The following RAB31 variants were observed in gnomAD, a reference collection of about 807,000 sequenced individuals.
The protein encoded by RAB31 is ras-related protein Rab-31.
In RAB31, 21 loss-of-function variants were observed where a neutral mutation model predicts 25.6. That is an observed-to-expected ratio of 0.82 (90% CI 0.58 to 1.18). RAB31 has a LOEUF of 1.18. Ranked by LOEUF, RAB31 falls within the 50% of genes most tolerant of loss-of-function variation. RAB31 has a pLI of 0.00. For missense variants in RAB31, 196 were observed against 250.1 expected, an observed-to-expected ratio of 0.78 and a Z score of 1.46; for synonymous variants, 87 against 84.0, an observed-to-expected ratio of 1.04 and a Z score of -0.20.
intron 5 of RAB31, among the ~76,000 whole-genome samples, chr18:9,841,294 C>A (rs2068732360): frequency 6.6e-6 from 1 of 151,378 alleles, no homozygotes; most frequent in South Asian, 2.1e-4. Context: ...AATCCCAGCA[C>A]TTTGGGAGAC....
At chr18:9,823,734 T>G (rs1432948699) in intron 5 of RAB31, among the ~76,000 whole-genome samples, 1 of 152,112 alleles carries the variant, frequency 6.6e-6, no homozygotes, top group Non-Finnish European at 1.5e-5. Flanking sequence ...TTGACAAAAA[T>G]TTTGTAAACA....
At position 9,752,689 on chromosome 18, in the gene RAB31, G is replaced by A. The variant is rs548493473; in HGVS notation, c.40-22589G>A. Among the ~76,000 whole-genome samples, 6 of 152,274 alleles carry A rather than the reference G, an allele frequency of 3.9e-5. No homozygotes were observed. In the South Asian group the frequency reaches 1.2e-3, roughly 32 times the overall value. On this transcript the variant is annotated intron_variant, in intron 1 of 6. Coordinates refer to ENST00000578921, the MANE Select transcript of RAB31 (RefSeq NM_006868.4). ...TCTTCTAAAGTTTCTATTTCTGTAT[G>A]TTTTATATATTCTATGATACTTTAG... is the stretch of plus-strand genomic sequence containing the variant.
At chr18:9,858,920 G>A (rs2068832751) in intron 6 of RAB31, among the ~76,000 whole-genome samples, 2 of 152,136 alleles carry the variant, frequency 1.3e-5, no homozygotes, top group Non-Finnish European at 2.9e-5. Flanking sequence ...AGCGGAGGCT[G>A]GATGGGAGCT....
At chr18:9,746,350 G>A (rs1445659745) in intron 1 of RAB31, among the ~76,000 whole-genome samples, 1 of 151,262 alleles carries the variant, frequency 6.6e-6, no homozygotes, top group African/African-American at 2.4e-5. Context: ...TACCCAAAGC[G>A]ATCAACAGAT....
intron 5 of RAB31, among the ~76,000 whole-genome samples, chr18:9,825,569 A>G (rs9964718): frequency 0.73 from 111,218 of 152,180 alleles, 41,208 homozygotes; most frequent in East Asian, 0.98. Context: ...AGAGGCAGGC[A>G]AGGGTATGTG....
intron 2 of RAB31, among the ~76,000 whole-genome samples, chr18:9,782,531 T>G (rs543893249): frequency 6.6e-6 from 1 of 152,358 alleles, no homozygotes; most frequent in Non-Finnish European, 1.5e-5. Context: ...TGAGTGTGTG[T>G]GTATGTGTGT....
chr18:9,829,620 C>T (rs550916649), intron 5 of RAB31, among the ~76,000 whole-genome samples: 3 of 152,208 alleles, frequency 2.0e-5, no homozygotes, highest in African/African-American at 4.8e-5. Context: ...GTAATGCCAA[C>T]GTCTTTCACG....
At chr18:9,732,834 G>T (rs559882062) in intron 1 of RAB31, among the ~76,000 whole-genome samples, 3 of 152,320 alleles carry the variant, frequency 2.0e-5, no homozygotes, top group Admixed American at 6.5e-5. Flanking sequence ...TTTGCTGGGT[G>T]CTGAGTGTAT....
At chr18:9,734,043 G>A (rs2068136988) in intron 1 of RAB31, among the ~76,000 whole-genome samples, 1 of 144,846 alleles carries the variant, frequency 6.9e-6, no homozygotes, top group African/African-American at 2.5e-5. Context: ...GGCATGCCCT[G>A]TAGTCAGGAG....
At chr18:9,811,596 A>G (rs1001167230) in intron 3 of RAB31, among the ~76,000 whole-genome samples, 2 of 152,216 alleles carry the variant, frequency 1.3e-5, no homozygotes, top group Non-Finnish European at 2.9e-5. Context: ...TATTATTTAA[A>G]ACTCATTGTA....
chr18:9,725,100 T>G (rs1219750080), intron 1 of RAB31, among the ~76,000 whole-genome samples: 2 of 152,148 alleles, frequency 1.3e-5, no homozygotes, highest in Non-Finnish European at 2.9e-5. Flanking sequence ...GCCAGTCTTG[T>G]CATATGGTGG....
intron 1 of RAB31, chr18:9,735,520 G>A (rs541454313): frequency 3.6e-4 from 71 of 199,040 alleles, no homozygotes; most frequent in African/African-American, 1.6e-3. Flanking sequence ...CAGCCTCCAC[G>A]GTGCTTCCGC....
chr18:9,846,495 C>T (rs951867129), intron 6 of RAB31, among the ~76,000 whole-genome samples: 11 of 152,286 alleles, frequency 7.2e-5, no homozygotes, highest in South Asian at 2.1e-4. Flanking sequence ...TTATCAGGGA[C>T]GTTGGGAGAA....
chr18:9,791,986 T>C (rs368995713), intron 2 of RAB31, among the ~76,000 whole-genome samples, 168 bp from the exon 3 acceptor site: 5 of 152,220 alleles, frequency 3.3e-5, no homozygotes, highest in African/African-American at 1.2e-4. Flanking sequence ...ATGAGAAATA[T>C]TTTATTTTGG....
In RAB31 at chr18:9,859,673, C is replaced by T. The variant is rs958976444; in HGVS notation, c.*348C>T. On this transcript the variant is annotated 3_prime_UTR_variant, in exon 7 of 7. Coordinates refer to ENST00000578921, the MANE Select transcript of RAB31 (RefSeq NM_006868.4). ...TTATGTGTATGGGATTCTAAAGTGG[C>T]ATTCCACTTGGATTTCCTGTGCTAC... The T allele has an allele frequency of 5.8e-6, 1 of 171,612 alleles. No individual in the cohort carries two copies. Among genetic ancestry groups the T allele is most frequent in the East Asian group, 1.6e-4 (1 of 6,432 alleles). The allele number at this position is 171,612 out of a possible 1,614,324, so 10.6% of individuals were successfully genotyped here.
intron 1 of RAB31, among the ~76,000 whole-genome samples, chr18:9,713,870 T>A (rs984992950): frequency 6.6e-6 from 1 of 152,218 alleles, no homozygotes; most frequent in Non-Finnish European, 1.5e-5. Context: ...TTCACATGAC[T>A]GAGAGAGTGC....
intron 3 of RAB31, among the ~76,000 whole-genome samples, chr18:9,796,532 G>T (rs1053103509): frequency 6.6e-6 from 1 of 152,038 alleles, no homozygotes; most frequent in African/African-American, 2.4e-5. Context: ...TGGACCCAGT[G>T]TTTCACTGTT....
At chr18:9,852,154 C>T (rs1036959542) in intron 6 of RAB31, among the ~76,000 whole-genome samples, 3 of 152,098 alleles carry the variant, frequency 2.0e-5, no homozygotes, top group African/African-American at 7.2e-5. Flanking sequence ...ATTGTATACT[C>T]AAAACCAAGC....
chr18:9,734,038 G>A (rs577122982), intron 1 of RAB31, among the ~76,000 whole-genome samples: 1 of 147,440 alleles, frequency 6.8e-6, no homozygotes, highest in South Asian at 2.2e-4. Context: ...GGAGAGGCAT[G>A]CCCTGTAGTC....
Sources: gnomAD v4.1 joint callset for allele counts (sites outside exome capture counted in the v4.1 genomes callset) on GRCh38, gnomAD v4.1.1 for gene constraint, MANE v1.5 for transcripts, NCBI Gene and HGNC (gene_info 2026-07-23, HGNC 2026-07-21) for gene names.